The following DLGAP4 variants were observed in gnomAD, a reference collection of about 807,000 sequenced individuals.
The protein encoded by DLGAP4 is disks large-associated protein 4.
A neutral mutation model predicts 86.9 loss-of-function variants in DLGAP4; 18 were observed. The ratio of observed to expected loss-of-function variants is 0.21; its 90% CI spans 0.14 to 0.31. The LOEUF is 0.31. DLGAP4 is among the 10% of genes least tolerant of loss of function. The pLI is 1.00. For synonymous variants in DLGAP4, 548 were observed against 574.3 expected, an observed-to-expected ratio of 0.95 and a Z score of 0.65; for missense variants, 1,085 against 1,362.6, an observed-to-expected ratio of 0.80 and a Z score of 3.21.
At position 36,421,716 on chromosome 20, in the gene DLGAP4, G is replaced by A. The variant is rs566058102; in HGVS notation, c.-72-9930G>A. Reference sequence around the variant, plus strand: ...TTCTGACCTGAACAAGCAGGAGGATGATGTTGTCATGAGTAGAATCGGGGC... The same window carrying A: ...TTCTGACCTGAACAAGCAGGAGGATAATGTTGTCATGAGTAGAATCGGGGC... On this transcript the variant is annotated intron_variant, in intron 2 of 12. Transcript: ENST00000339266. 2.0e-5 allele frequency among the ~76,000 whole-genome samples: 3 copies of A among 152,178 alleles called. No individual in the cohort carries two copies. The East Asian group carries it at 5.8e-4, about 30-fold the overall frequency.
At chr20:36,392,864 T>A (rs1241751298) in intron 2 of DLGAP4, among the ~76,000 whole-genome samples, 1 of 151,772 alleles carries the variant, frequency 6.6e-6, no homozygotes, top group Non-Finnish European at 1.5e-5. Flanking sequence ...CTGGGTGACA[T>A]GGGAGTGAGG....
intron 10 of DLGAP4, among the ~76,000 whole-genome samples, chr20:36,503,386 C>T (rs372657570): frequency 5.9e-5 from 9 of 152,106 alleles, no homozygotes; most frequent in Middle Eastern, 3.4e-3. Context: ...CATTAGGAGC[C>T]GCTCCCACAG....
At chr20:36,353,184 G>C (rs781915599) in intron 1 of DLGAP4, among the ~76,000 whole-genome samples, 6 of 152,226 alleles carry the variant, frequency 3.9e-5, no homozygotes, top group Non-Finnish European at 5.9e-5. Context: ...GCTCAGAGCA[G>C]AGGGTGGGGA....
At position 36,354,452 on chromosome 20, in the gene DLGAP4, G is replaced by A. The variant is rs957206143; in HGVS notation, c.-303-12593G>A. On this transcript the variant is annotated intron_variant, in intron 1 of 12. Coordinates refer to ENST00000339266, the MANE Select transcript of DLGAP4 (RefSeq NM_001365621.2). ...ATTTTTGCAGTGCACAACAAACACC[G>A]CAATTCAAAAGTTCCCTCTGTCCAT... Among the ~76,000 whole-genome samples the A allele has an allele frequency of 5.3e-5, 8 of 152,208 alleles. No individual in the cohort carries two copies. In the South Asian group the frequency reaches 8.3e-4, roughly 16 times the overall value.
At chr20:36,428,995 T>C (rs1383243099) in intron 2 of DLGAP4, among the ~76,000 whole-genome samples, 1 of 152,188 alleles carries the variant, frequency 6.6e-6, no homozygotes, top group Non-Finnish European at 1.5e-5. Context: ...CTGCATTCCT[T>C]GGCTCATGTC....
Position 36,365,807 on chromosome 20 carries a change from G to A in DLGAP4, c.-303-1238G>A, listed in dbSNP as rs551527366. On this transcript the variant is annotated intron_variant, in intron 1 of 12. Coordinates refer to ENST00000339266, the MANE Select transcript of DLGAP4 (RefSeq NM_001365621.2). The stretch of plus-strand genomic sequence containing the variant: ...AGGTGAGCCTCCCCGACCAGCGACT[G>A]TCCCTTTCTCCTTATTCCTCCCATC... Among the ~76,000 whole-genome samples the A allele has an allele frequency of 1.2e-3, 178 of 152,318 alleles. 1 individual carries two copies. The highest frequency in any genetic ancestry group is 2.2e-3 in the Non-Finnish European group (151 of 68,028).
intron 7 of DLGAP4, among the ~76,000 whole-genome samples, chr20:36,477,102 TTTTC>T (rs1237066432): frequency 6.6e-6 from 1 of 150,868 alleles, no homozygotes; most frequent in African/African-American, 2.5e-5. Context: ...TTTTTCTCTT[TTTTC>T]TTTTTTTTTT....
intron 2 of DLGAP4, among the ~76,000 whole-genome samples, chr20:36,396,466 CACAT>C (rs1226466409): frequency 5.9e-5 from 7 of 118,758 alleles, no homozygotes; most frequent in Admixed American, 9.2e-5. Flanking sequence ...TGCACACACA[CACAT>C]ACACATCACA....
In DLGAP4 at chr20:36,432,822, G is replaced by A. The variant is rs1600521847; in HGVS notation, c.999+106G>A. The A allele has an allele frequency of 7.1e-7, 1 of 1,412,546 alleles. No homozygotes were observed. The highest frequency in any genetic ancestry group is 9.6e-7 in the Non-Finnish European group (1 of 1,041,440). 87.5% of individuals were successfully genotyped at this position (1,412,546 alleles called of 1,614,324 possible). On this transcript the variant is annotated intron_variant, in intron 3 of 12. Coordinates refer to ENST00000339266, the MANE Select transcript of DLGAP4 (RefSeq NM_001365621.2). This position sits in a 1 kb window ranked among gnomAD's most constrained non-coding sequence, Gnocchi z 6.5. ...CACTTGGAAAGTCACTTCATTCTGG[G>A]CCTCTGTGGCTCAGCTATAAAATGG... is the stretch of plus-strand genomic sequence containing the variant.
chr20:36,515,360 T>G (rs1229782930), intron 10 of DLGAP4, among the ~76,000 whole-genome samples: 1 of 152,222 alleles, frequency 6.6e-6, no homozygotes, highest in Non-Finnish European at 1.5e-5. Context: ...TTCCTTTGAT[T>G]AGTGTTTGTC....
rs183402774 is a variant in DLGAP4, at chr20:36,390,569, T to C, written c.-73+23294T>C. ...AGAGGCCCAGAATAGCAATCCTGAG[T>C]GGGGGGGCATGCCTCCACTGTACCC... is the stretch of plus-strand genomic sequence containing the variant. On this transcript the variant is annotated intron_variant, in intron 2 of 12. Coordinates refer to ENST00000339266, the MANE Select transcript of DLGAP4 (RefSeq NM_001365621.2). 2.0e-3 allele frequency among the ~76,000 whole-genome samples: 301 copies of C among 152,100 alleles called. 3 individuals carry two copies. Among genetic ancestry groups the C allele is most frequent in the Non-Finnish European group, 2.5e-4 (17 of 67,972 alleles).
chr20:36,432,090 C>T lies in DLGAP4; in HGVS notation c.373C>T (p.Pro125Ser). 6.2e-7 allele frequency: 1 copy of T among 1,614,206 alleles called. No homozygotes were observed. The highest frequency in any genetic ancestry group is 8.5e-7 in the Non-Finnish European group (1 of 1,180,054). ...HRDGFSTLQFPRGEAKARGES... is the reference protein window; with the variant it reads ...HRDGFSTLQFSRGEAKARGES... ...TGATGGCTTCAGCACCCTCCAATTT[C>T]CCCGTGGCGAGGCCAAGGCCCGTGG... The change falls in exon 3 of 13, where the codon CCC (proline) becomes TCC (serine). Residue 125 changes from proline to serine, a missense_variant. Coordinates refer to ENST00000339266, the MANE Select transcript of DLGAP4 (RefSeq NM_001365621.2). The surrounding 1 kb of genome is among the most constrained non-coding windows in gnomAD (Gnocchi z 6.5).
intron 7 of DLGAP4, among the ~76,000 whole-genome samples, chr20:36,474,752 G>A (rs539170317): frequency 4.8e-4 from 73 of 152,244 alleles, no homozygotes; most frequent in Admixed American, 1.0e-3. Flanking sequence ...AAGGGTGGGG[G>A]GTGGAGGGCA....
intron 6 of DLGAP4, among the ~76,000 whole-genome samples, chr20:36,444,205 C>T (rs765959235): frequency 1.3e-5 from 2 of 152,202 alleles, no homozygotes; most frequent in African/African-American, 2.4e-5. Flanking sequence ...CAGTACTGTA[C>T]AGTAGAACTT....
At chr20:36,409,865 C>A (rs2032443676) in intron 2 of DLGAP4, among the ~76,000 whole-genome samples, 1 of 151,742 alleles carries the variant, frequency 6.6e-6, no homozygotes, top group African/African-American at 2.4e-5. Context: ...AACCCCGTCT[C>A]TACTAAAAAT....
At chr20:36,363,615 G>A (rs2030592428) in intron 1 of DLGAP4, among the ~76,000 whole-genome samples, 1 of 152,132 alleles carries the variant, frequency 6.6e-6, no homozygotes, top group African/African-American at 2.4e-5. Context: ...TGAGATGGGG[G>A]CAGCTGTGGA....
At chr20:36,336,408 G>T (rs539292743) in intron 1 of DLGAP4, among the ~76,000 whole-genome samples, 7 of 152,170 alleles carry the variant, frequency 4.6e-5, no homozygotes, top group African/African-American at 1.7e-4. Context: ...GTTAAATGTC[G>T]CCTCCTCAAA....
chr20:36,497,373 C>T (rs2035933061), intron 8 of DLGAP4: 1 of 1,229,846 alleles, frequency 8.1e-7, no homozygotes, highest in African/African-American at 1.5e-5. Flanking sequence ...CACTGTCTGT[C>T]TGTCCACTCC....
At chr20:36,353,984 C>G (rs142279600) in intron 1 of DLGAP4, among the ~76,000 whole-genome samples, 2 of 152,218 alleles carry the variant, frequency 1.3e-5, no homozygotes, top group African/African-American at 4.8e-5. Context: ...TCAGCTCCCT[C>G]GAGCGCCTGC....
Sources: gnomAD v4.1 joint callset for allele counts (sites outside exome capture counted in the v4.1 genomes callset) on GRCh38, gnomAD v4.1.1 for gene constraint, Gnocchi (gnomAD v3.1) non-coding constraint, MANE v1.5 for transcripts, NCBI Gene and HGNC (gene_info 2026-07-23, HGNC 2026-07-21) for gene names.